Variants in EDA observed in about 807,000 individuals in gnomAD.
EDA encodes ectodysplasin-A.
Under a neutral mutation model 23.6 loss-of-function variants are expected in EDA, and 2 were observed. The observed-to-expected ratio is 0.08, with a 90% confidence interval of 0.03 to 0.27. The LOEUF (loss-of-function observed/expected upper bound fraction) is 0.27. Among genes scored for constraint, EDA ranks in the 10% least tolerant of loss-of-function variants. EDA has a pLI of 1.00. For missense variants in EDA, 229 were observed against 324.2 expected, an observed-to-expected ratio of 0.71 and a Z score of 2.26; for synonymous variants, 131 against 132.0, an observed-to-expected ratio of 0.99 and a Z score of 0.05.
chrX:70,010,663 C>T (rs776044873), intron 2 of EDA, among the ~76,000 whole-genome samples: 1 of 111,703 alleles, frequency 9.0e-6, no homozygotes, highest in Non-Finnish European at 1.9e-5. Context: ...TGTTTTCACA[C>T]TGCTGATAAA....
At chrX:69,932,358 C>T (rs897240010) in intron 1 of EDA, among the ~76,000 whole-genome samples, 2 of 111,161 alleles carry the variant, frequency 1.8e-5, no homozygotes, top group Non-Finnish European at 3.8e-5. Context: ...TCTATAAAGC[C>T]GTAAAAATGA....
At chrX:69,938,990 T>C (rs2018716848) in intron 1 of EDA, among the ~76,000 whole-genome samples, 2 of 112,076 alleles carry the variant, frequency 1.8e-5, no homozygotes, top group Admixed American at 1.9e-4. Flanking sequence ...GCTGTTTGGG[T>C]TGCTATAGCT....
intron 1 of EDA, among the ~76,000 whole-genome samples, chrX:69,711,508 A>C (rs2012033559): frequency 8.9e-6 from 1 of 111,783 alleles, no homozygotes; most frequent in African/African-American, 3.3e-5. Flanking sequence ...CTGACCTCAT[A>C]AAATGAGTTA....
chrX:69,755,437 A>C (rs1483443238), intron 1 of EDA, among the ~76,000 whole-genome samples: 39 of 111,601 alleles, frequency 3.5e-4, no homozygotes, highest in Non-Finnish European at 1.5e-4. Flanking sequence ...TTCATCTCAG[A>C]GGGGCACCTG....
At chrX:69,759,842 G>T (rs901160741) in intron 1 of EDA, among the ~76,000 whole-genome samples, 2 of 110,136 alleles carry the variant, frequency 1.8e-5, no homozygotes, top group Admixed American at 9.8e-5. Flanking sequence ...GGGCTGGATA[G>T]TGTGTCTGAA....
chrX:70,034,155 C>T (rs772840040), intron 7 of EDA, among the ~76,000 whole-genome samples: 122 of 111,552 alleles, frequency 1.1e-3, no homozygotes, highest in African/African-American at 3.6e-3. Context: ...CATCTACTTC[C>T]GTTCCCCCAT....
At chrX:69,706,948 C>T (rs2011750788) in intron 1 of EDA, among the ~76,000 whole-genome samples, 1 of 111,557 alleles carries the variant, frequency 9.0e-6, no homozygotes, top group African/African-American at 3.3e-5. Context: ...GAAGTCCATT[C>T]AGGTGGTTGG....
chrX:69,888,978 T>TAGATAGATATATATATATATATATATATA (rs1556026049), intron 1 of EDA, among the ~76,000 whole-genome samples: 2 of 16,030 alleles, frequency 1.2e-4, no homozygotes, highest in Non-Finnish European at 1.0e-4. Flanking sequence ...TGTGGGGTAG[T>TAGATAGATATATATATATATATATATATA]TATATATATA....
chrX:69,829,842 C>G (rs757806821), intron 1 of EDA, among the ~76,000 whole-genome samples: 2 of 111,964 alleles, frequency 1.8e-5, no homozygotes, highest in Admixed American at 9.5e-5. Flanking sequence ...TAATTTCATT[C>G]ATTATATGTG....
intron 1 of EDA, among the ~76,000 whole-genome samples, chrX:69,845,552 G>A (rs191111092): frequency 6.2e-4 from 70 of 112,116 alleles, no homozygotes; most frequent in Non-Finnish European, 1.2e-3. Context: ...CTTTGGCCTT[G>A]CTCAAATCTA....
intron 2 of EDA, among the ~76,000 whole-genome samples, chrX:70,011,493 G>T (rs113608371): frequency 9.1e-6 from 1 of 110,396 alleles, no homozygotes; most frequent in African/African-American, 3.3e-5. Context: ...ACCATGCCTG[G>T]CTAATTTTTG....
chrX:69,678,731 A>G (rs1394290816), intron 1 of EDA, among the ~76,000 whole-genome samples: 2 of 101,371 alleles, frequency 2.0e-5, no homozygotes, highest in Non-Finnish European at 4.0e-5. Flanking sequence ...GGCTGAGACA[A>G]TGGGGTTTTC....
chrX:69,773,840 C>A (rs1173384803), intron 1 of EDA, among the ~76,000 whole-genome samples: 1 of 111,716 alleles, frequency 9.0e-6, no homozygotes, highest in East Asian at 2.8e-4. Flanking sequence ...TATCCCATTT[C>A]TATGGGTTGT....
chrX:69,938,069 T>C, intron 1 of EDA: 1 of 1,077,266 alleles, frequency 9.3e-7, no homozygotes, highest in South Asian at 2.1e-5. Context: ...TTATACTTGA[T>C]TGAAGATTTG....
intron 1 of EDA, among the ~76,000 whole-genome samples, chrX:69,736,301 G>A (rs1050711469): frequency 8.9e-4 from 98 of 110,233 alleles, no homozygotes; most frequent in Non-Finnish European, 2.3e-4. Context: ...GCGAAACTCC[G>A]TCTCAAAAAA....
chrX:69,874,913 G>A (rs2017620463), intron 1 of EDA, among the ~76,000 whole-genome samples: 1 of 111,647 alleles, frequency 9.0e-6, no homozygotes, highest in Admixed American at 9.5e-5. Context: ...AAATACTTAG[G>A]AATATAACTA....
chrX:69,650,673 A>G (rs1039893590), intron 1 of EDA, among the ~76,000 whole-genome samples: 3 of 112,202 alleles, frequency 2.7e-5, no homozygotes, highest in African/African-American at 9.7e-5. Flanking sequence ...TTGTATCAAA[A>G]TATCACATGT....
At chrX:69,933,354 T>G (rs2147678755) in intron 1 of EDA, among the ~76,000 whole-genome samples, 1 of 111,974 alleles carries the variant, frequency 8.9e-6, no homozygotes, top group African/African-American at 3.2e-5. Context: ...TTTTCTTGCA[T>G]CGTCTGCTAC....
chrX:69,889,007 T>TATATATATATATATATAG (rs1233806310), intron 1 of EDA, among the ~76,000 whole-genome samples: 2 of 72,376 alleles, frequency 2.8e-5, no homozygotes, highest in Non-Finnish European at 5.2e-5. Context: ...TATATATATA[T>TATATATATATATATATAG]ATATATATAT....
Sources: gnomAD v4.1 joint callset for allele counts (sites outside exome capture counted in the v4.1 genomes callset) on GRCh38, gnomAD v4.1.1 for gene constraint, MANE v1.5 for transcripts, NCBI Gene and HGNC (gene_info 2026-07-23, HGNC 2026-07-21) for gene names.